Variants in CCSER1 observed in about 807,000 individuals in gnomAD.
The protein encoded by CCSER1 is serine-rich coiled-coil domain-containing protein 1.
Under a neutral mutation model 82.0 loss-of-function variants are expected in CCSER1, and 41 were observed. That is an observed-to-expected ratio of 0.50 (90% CI 0.39 to 0.65). The LOEUF (loss-of-function observed/expected upper bound fraction) is 0.65, where lower values mean the gene tolerates loss of function less well. Among genes scored for constraint, CCSER1 ranks in the 30% least tolerant of loss-of-function variants. The pLI is 0.00. For synonymous variants in CCSER1, 414 were observed against 383.9 expected (o/e 1.08, Z -0.92); for missense variants, 1,119 against 1,064.2 (o/e 1.05, Z -0.72).
intron 10 of CCSER1, among the ~76,000 whole-genome samples, chr4:91,321,016 G>A (rs551359918): frequency 6.6e-6 from 1 of 152,122 alleles, no homozygotes; most frequent in African/African-American, 2.4e-5. Flanking sequence ...AATCATGATT[G>A]TTTTACCTTG....
intron 8 of CCSER1, among the ~76,000 whole-genome samples, chr4:90,889,521 G>GA (rs1359227953): frequency 1.3e-5 from 2 of 152,060 alleles, no homozygotes. Flanking sequence ...ACAAAAACAG[G>GA]AATGGAGAAG....
At chr4:90,480,847 A>T (rs1229391613) in intron 5 of CCSER1, among the ~76,000 whole-genome samples, 3 of 152,100 alleles carry the variant, frequency 2.0e-5, no homozygotes, top group Non-Finnish European at 4.4e-5. Flanking sequence ...CTTAGGATTG[A>T]CGTGGCAATG....
At chr4:91,325,726 C>T (rs1384609535) in intron 10 of CCSER1, among the ~76,000 whole-genome samples, 1 of 152,176 alleles carries the variant, frequency 6.6e-6, no homozygotes. Context: ...AACCAATTCA[C>T]TTATCTTCAC....
intron 6 of CCSER1, among the ~76,000 whole-genome samples, chr4:90,651,816 A>G (rs983036426): frequency 1.3e-5 from 2 of 152,172 alleles, no homozygotes; most frequent in Admixed American, 6.5e-5. Context: ...TGCTAGCAAC[A>G]CATTTAAAAG....
At chr4:91,094,659 C>A (rs886238021) in intron 10 of CCSER1, among the ~76,000 whole-genome samples, 4 of 152,122 alleles carry the variant, frequency 2.6e-5, no homozygotes, top group African/African-American at 4.8e-5. Flanking sequence ...ATTGGCTGAG[C>A]CCCAGGCTTA....
chr4:91,553,136 C>T (rs1315633903), intron 10 of CCSER1, among the ~76,000 whole-genome samples: 4 of 151,546 alleles, frequency 2.6e-5, no homozygotes, highest in African/African-American at 9.7e-5. Context: ...AAATGCTTTT[C>T]TGCATCTATT....
chr4:91,214,177 TTTC>T (rs1737056292), intron 10 of CCSER1, among the ~76,000 whole-genome samples: 1 of 152,146 alleles, frequency 6.6e-6, no homozygotes, highest in African/African-American at 2.4e-5. Context: ...CACACTTGAA[TTTC>T]TTCTTATTCA....
intron 4 of CCSER1, among the ~76,000 whole-genome samples, chr4:90,426,334 A>G (rs1316014103): frequency 6.6e-6 from 1 of 152,248 alleles, no homozygotes; most frequent in Non-Finnish European, 1.5e-5. Flanking sequence ...GGAAGAAAGT[A>G]TAATACTAGG....
intron 7 of CCSER1, 107 bp from the exon 8 acceptor site, chr4:90,815,655 T>C (rs1387331653): frequency 3.0e-6 from 2 of 677,114 alleles, no homozygotes; most frequent in Admixed American, 3.0e-5. Flanking sequence ...AATTTGAGTT[T>C]CGTTAGTCAG....
chr4:91,009,673 A>G (rs1738841395), intron 9 of CCSER1, among the ~76,000 whole-genome samples: 1 of 152,040 alleles, frequency 6.6e-6, no homozygotes, highest in Admixed American at 6.5e-5. Context: ...TATCTGCTAT[A>G]GTTTTTGGCT....
intron 9 of CCSER1, among the ~76,000 whole-genome samples, chr4:90,984,985 C>T (rs1736462402): frequency 1.3e-5 from 2 of 151,730 alleles, no homozygotes; most frequent in South Asian, 4.1e-4. Context: ...AAGCTGAAGG[C>T]TCTGGCCAGC....
chr4:91,390,734 A>G (rs959222091), intron 10 of CCSER1, among the ~76,000 whole-genome samples: 1 of 152,022 alleles, frequency 6.6e-6, no homozygotes, highest in African/African-American at 2.4e-5. Flanking sequence ...TTGGAAGGTT[A>G]TTGGTTACCG....
At chr4:90,806,612 C>G (rs776362338) in intron 7 of CCSER1, among the ~76,000 whole-genome samples, 13 of 152,272 alleles carry the variant, frequency 8.5e-5, no homozygotes, top group Non-Finnish European at 1.5e-4. Flanking sequence ...TTTCAAGGGT[C>G]AGCCTCAGCT....
At chr4:91,270,909 A>G (rs1741975091) in intron 10 of CCSER1, among the ~76,000 whole-genome samples, 1 of 152,194 alleles carries the variant, frequency 6.6e-6, no homozygotes. Context: ...AATAAATGTA[A>G]TGATATTCAT....
intron 9 of CCSER1, among the ~76,000 whole-genome samples, chr4:91,070,894 A>G (rs1721363299): frequency 6.6e-6 from 1 of 152,150 alleles, no homozygotes; most frequent in African/African-American, 2.4e-5. Flanking sequence ...GAAAAACATG[A>G]TGGCACACTC....
At position 91,457,538 on chromosome 4, in the gene CCSER1, C is replaced by T. The variant is rs182840216; in HGVS notation, c.2218-141034C>T. ...AAAAATAATTAGTCATGTGTGGTGG[C>T]GCATGCCTTTAGTCTCAGCTACTTG... On this transcript the variant is annotated intron_variant, in intron 10 of 10. Transcript: ENST00000509176. 1.0e-3 allele frequency among the ~76,000 whole-genome samples: 154 copies of T among 152,076 alleles called. 1 individual carries two copies. Among genetic ancestry groups the T allele is most frequent in the East Asian group, 5.2e-3 (27 of 5,166 alleles).
intron 10 of CCSER1, among the ~76,000 whole-genome samples, chr4:91,593,992 A>G (rs996370782): frequency 2.0e-5 from 3 of 152,154 alleles, no homozygotes; most frequent in Non-Finnish European, 2.9e-5. Flanking sequence ...AACTTATTAT[A>G]ATGTGCACAG....
At chr4:90,314,262 G>A (rs1230183390) in intron 3 of CCSER1, among the ~76,000 whole-genome samples, 3 of 152,110 alleles carry the variant, frequency 2.0e-5, no homozygotes, top group South Asian at 2.1e-4. Context: ...TTCATGCTTC[G>A]TTTTGTTCTT....
intron 10 of CCSER1, among the ~76,000 whole-genome samples, chr4:91,378,432 G>A (rs1298372253): frequency 6.6e-6 from 1 of 152,168 alleles, no homozygotes; most frequent in Non-Finnish European, 1.5e-5. Flanking sequence ...TCATTGAGCA[G>A]TGGTTTGTAG....
Sources: gnomAD v4.1 joint callset for allele counts (sites outside exome capture counted in the v4.1 genomes callset) on GRCh38, gnomAD v4.1.1 for gene constraint, MANE v1.5 for transcripts, NCBI Gene and HGNC (gene_info 2026-07-23, HGNC 2026-07-21) for gene names.